The following DOCK7 variants were observed in gnomAD, a reference collection of about 807,000 sequenced individuals.
DOCK7 encodes dedicator of cytokinesis protein 7.
DOCK7 carries 138 observed loss-of-function variants against 271.0 expected under a neutral mutation model. That is an observed-to-expected ratio of 0.51 (90% CI 0.44 to 0.59). DOCK7 has a LOEUF of 0.59. Ranked by LOEUF, DOCK7 falls within the 20% of genes least tolerant of loss-of-function variation. DOCK7 has a pLI of 0.00. For missense variants in DOCK7, 2,066 were observed against 2,592.4 expected (o/e 0.80, Z 4.41); for synonymous variants, 823 against 876.1 (o/e 0.94, Z 1.07).
At chr1:62,527,678 T>C (rs963935529) in intron 31 of DOCK7, among the ~76,000 whole-genome samples, 1 of 136,760 alleles carries the variant, frequency 7.3e-6, no homozygotes, top group Non-Finnish European at 1.5e-5. Context: ...AATTGAACAA[T>C]GAGAACACAT....
chr1:62,580,745 C>T (rs912487388), intron 16 of DOCK7, among the ~76,000 whole-genome samples: 8 of 152,044 alleles, frequency 5.3e-5, no homozygotes, highest in African/African-American at 1.9e-4. Flanking sequence ...ATATCAATAG[C>T]TATGCTATAA....
At chr1:62,617,420 T>C (rs937688975) in intron 14 of DOCK7, among the ~76,000 whole-genome samples, 7 of 151,980 alleles carry the variant, frequency 4.6e-5, no homozygotes, top group African/African-American at 1.7e-4. Flanking sequence ...CTGGCTGCAA[T>C]GTTGAGAAGT....
At chr1:62,623,130 AGTAATC>A (rs1653497400) in intron 12 of DOCK7, among the ~76,000 whole-genome samples, 1 of 152,196 alleles carries the variant, frequency 6.6e-6, no homozygotes, top group Admixed American at 6.5e-5. Flanking sequence ...TACTGTAGAC[AGTAATC>A]GCTCATAAAC....
At chr1:62,619,357 T>C (rs549288846) in intron 13 of DOCK7, among the ~76,000 whole-genome samples, 2 of 152,344 alleles carry the variant, frequency 1.3e-5, no homozygotes, top group African/African-American at 2.4e-5. Flanking sequence ...TTTAGTATAG[T>C]AATTCCTTCC....
chr1:62,659,256 A>G (rs1658387431), intron 2 of DOCK7, among the ~76,000 whole-genome samples: 1 of 152,238 alleles, frequency 6.6e-6, no homozygotes, highest in Admixed American at 6.5e-5. Context: ...GTTTAAGACA[A>G]TTATATACAG....
intron 27 of DOCK7, 70 bp from the exon 28 acceptor site, chr1:62,538,131 G>T: frequency 6.8e-7 from 1 of 1,473,406 alleles, no homozygotes; most frequent in South Asian, 1.4e-5. Context: ...ATACCAGAAT[G>T]GCAAATTAGA....
At chr1:62,566,822 C>T (rs983774719) in intron 18 of DOCK7, among the ~76,000 whole-genome samples, 4 of 151,984 alleles carry the variant, frequency 2.6e-5, no homozygotes, top group African/African-American at 9.7e-5. Context: ...ATAACCAGAA[C>T]TACAAAGAAC....
At chr1:62,599,888 A>G (rs1429077330) in intron 14 of DOCK7, among the ~76,000 whole-genome samples, 1 of 152,008 alleles carries the variant, frequency 6.6e-6, no homozygotes, top group African/African-American at 2.4e-5. Flanking sequence ...TATGCAGTAC[A>G]ATAGTTTAAA....
At chr1:62,598,768 A>T (rs1266117315) in intron 14 of DOCK7, 1 of 1,609,528 alleles carries the variant, frequency 6.2e-7, no homozygotes, top group African/African-American at 1.3e-5. Flanking sequence ...TAAACAATTA[A>T]ACCAACAGCA....
At position 62,552,666 on chromosome 1, in the gene DOCK7, A is replaced by T. The variant is rs1015363192; in HGVS notation, c.2766+66T>A. 6.1e-6 allele frequency: 9 copies of T among 1,466,926 alleles called. No individual in the cohort carries two copies. The Admixed American group carries it at 9.7e-5, about 16-fold the overall frequency. The allele number at this position is 1,466,926 out of a possible 1,614,324, so 90.9% of individuals were successfully genotyped here. A position where few individuals can be genotyped will look rare whatever the true frequency, so the allele number is the denominator to read the frequency against. Reference sequence around the variant, plus strand: ...CTCAAAATTCAGAATACATTACAACAACTGGATATTTCTCGTTTGTTCACA... The same window carrying T: ...CTCAAAATTCAGAATACATTACAACTACTGGATATTTCTCGTTTGTTCACA... On this transcript the variant is annotated intron_variant, in intron 22 of 49. Transcript: ENST00000635253.
At chr1:62,659,131 G>A (rs904595821) in intron 2 of DOCK7, among the ~76,000 whole-genome samples, 1 of 152,122 alleles carries the variant, frequency 6.6e-6, no homozygotes, top group Admixed American at 6.6e-5. Flanking sequence ...GGAAATATTA[G>A]GAAGGAAAAA....
chr1:62,613,269 T>C (rs1418780535), intron 14 of DOCK7, among the ~76,000 whole-genome samples: 4 of 152,320 alleles, frequency 2.6e-5, no homozygotes, highest in East Asian at 3.9e-4. Context: ...CCCACTTGTA[T>C]GGTGCAGTAA....
chr1:62,670,106 G>A lies in DOCK7; in HGVS notation c.39-6976C>T, dbSNP rs549972904. Among the ~76,000 whole-genome samples, 522 of 141,794 alleles carry A rather than the reference G, an allele frequency of 3.7e-3. 2 individuals are homozygous for A. Among genetic ancestry groups the A allele is most frequent in the African/African-American group, 0.015 (490 of 33,356 alleles). The allele number at this position is 141,794 out of a possible 152,430, so 93.0% of individuals were successfully genotyped here. A position where few individuals can be genotyped will look rare whatever the true frequency, so the allele number is the denominator to read the frequency against. ...CCGGTGCTGCGCTCGATTTCTCGCC[G>A]GGCCTTGGCTGCCTTCCCACGGGGC... On this transcript the variant is annotated intron_variant, in intron 1 of 49. Coordinates refer to ENST00000635253, the MANE Select transcript of DOCK7 (RefSeq NM_001367561.1).
At chr1:62,516,057 C>T (rs1459575177) in intron 31 of DOCK7, among the ~76,000 whole-genome samples, 5 of 152,032 alleles carry the variant, frequency 3.3e-5, no homozygotes, top group African/African-American at 7.2e-5. Context: ...TACCTTGTAC[C>T]ACCATACAGA....
intron 48 of DOCK7, 43 bp downstream of exon 48, chr1:62,473,939 A>G: frequency 6.6e-7 from 1 of 1,522,024 alleles, no homozygotes; most frequent in Non-Finnish European, 9.1e-7. Context: ...GTGGTATTGG[A>G]CAGTCTCAAT....
chr1:62,626,562 G>C (rs564966806), intron 11 of DOCK7, among the ~76,000 whole-genome samples: 20 of 150,584 alleles, frequency 1.3e-4, no homozygotes, highest in South Asian at 6.3e-4. Flanking sequence ...AGACTTTACA[G>C]AGTAAAAGGA....
At chr1:62,547,463 A>G (rs2029763) in intron 22 of DOCK7, among the ~76,000 whole-genome samples, 50,836 of 152,036 alleles carry the variant, frequency 0.33, 8,667 homozygotes, top group South Asian at 0.42. Flanking sequence ...TCCCTTACAT[A>G]TAGATAAGAT....
intron 14 of DOCK7, among the ~76,000 whole-genome samples, chr1:62,599,318 CTTG>C (rs1029006201): frequency 2.6e-4 from 40 of 152,090 alleles, no homozygotes; most frequent in African/African-American, 9.4e-4. Context: ...AGCCTTTGCC[CTTG>C]TTGTTTCCTC....
In DOCK7 at chr1:62,667,744, G is replaced by A. The variant is rs557253757; in HGVS notation, c.39-4614C>T. Among the ~76,000 whole-genome samples the A allele has an allele frequency of 4.6e-5, 7 of 152,148 alleles. No individual in the cohort carries two copies. The South Asian group carries it at 1.2e-3, about 27-fold the overall frequency. On this transcript the variant is annotated intron_variant, in intron 1 of 49. Coordinates refer to ENST00000635253, the MANE Select transcript of DOCK7 (RefSeq NM_001367561.1). ...AAATAAATAAATAAATAGGCCGGGC[G>A]CAGTGGCTCACGCCTGTAATCCCAG...
Sources: allele counts gnomAD v4.1 joint callset (sites outside exome capture counted in the v4.1 genomes callset), GRCh38; gene constraint gnomAD v4.1.1; transcripts MANE v1.5; gene names NCBI Gene and HGNC (gene_info 2026-07-23, HGNC 2026-07-21).